Variants in TENM1 observed in about 807,000 individuals in gnomAD.
The protein encoded by TENM1 is teneurin-1.
A neutral mutation model predicts 174.8 loss-of-function variants in TENM1; 35 were observed. The ratio of observed to expected loss-of-function variants is 0.20; its 90% CI spans 0.15 to 0.27. TENM1 has a LOEUF of 0.27. Among genes scored for constraint, TENM1 ranks in the 10% least tolerant of loss-of-function variants. TENM1 has a pLI of 1.00. For synonymous variants in TENM1, 781 were observed against 798.7 expected (o/e 0.98, Z 0.37); for missense variants, 1,633 against 2,130.1 (o/e 0.77, Z 4.59).
At chrX:125,135,646 A>G in the TENM1 span, among the ~76,000 whole-genome samples, 1 of 111,924 alleles carries the variant, frequency 8.9e-6, no homozygotes, top group African/African-American at 3.2e-5. Context: ...AGTTATTAAC[A>G]TTGCAATGAA....
rs2051716493 is a variant in TENM1, at chrX:124,665,016, T to C, written c.1168+6667A>G. 2.7e-5 allele frequency among the ~76,000 whole-genome samples: 3 copies of C among 111,628 alleles called. No homozygotes were observed. The Admixed American group carries it at 2.9e-4, about 11-fold the overall frequency. On this transcript the variant is annotated intron_variant, in intron 6 of 31. Coordinates refer to ENST00000422452, the Ensembl canonical transcript of TENM1. ...TTGCGCAAGGCAAGTCATGTAACTT[T>C]CTTGTGTTTTCCTTTTCAACTATAA...
the TENM1 span, among the ~76,000 whole-genome samples, chrX:125,012,092 C>A: frequency 9.0e-6 from 1 of 111,461 alleles, no homozygotes; most frequent in Admixed American, 9.5e-5. Context: ...GAACAGAAAA[C>A]GAAACACCAC....
In TENM1 at chrX:124,620,746, C is replaced by T. The variant is rs984184005; in HGVS notation, c.2077+21045G>A. On this transcript the variant is annotated intron_variant, in intron 11 of 31. Transcript: ENST00000422452. Reference sequence around the variant, plus strand: ...TCTCATTCATGTAACGCATAGGATTCAGCACACAGTAGGGGCTTAATATAT... The same window carrying T: ...TCTCATTCATGTAACGCATAGGATTTAGCACACAGTAGGGGCTTAATATAT... Among the ~76,000 whole-genome samples, 6 of 111,976 alleles carry T rather than the reference C, an allele frequency of 5.4e-5. No individual in the cohort carries two copies. In the Admixed American group the frequency reaches 5.7e-4, roughly 11 times the overall value.
At chrX:124,462,812 C>G (rs949675033) in intron 22 of TENM1, among the ~76,000 whole-genome samples, 10 of 111,648 alleles carry the variant, frequency 9.0e-5, no homozygotes, top group African/African-American at 3.3e-4. Context: ...TGAAACATAT[C>G]TACCTTGAAC....
At chrX:124,699,708 G>A (rs1331448809) in intron 5 of TENM1, among the ~76,000 whole-genome samples, 1 of 111,538 alleles carries the variant, frequency 9.0e-6, no homozygotes, top group Admixed American at 9.6e-5. Context: ...ATTTATGACA[G>A]GCAAGAGTGC....
At chrX:124,446,905 G>C (rs1434073312) in intron 23 of TENM1, among the ~76,000 whole-genome samples, 2 of 112,356 alleles carry the variant, frequency 1.8e-5, no homozygotes, top group Non-Finnish European at 3.8e-5. Flanking sequence ...CTGCCATGTA[G>C]TGTTAGAAAC....
intron 11 of TENM1, among the ~76,000 whole-genome samples, chrX:124,628,116 G>C (rs1414824566): frequency 9.0e-6 from 1 of 111,436 alleles, no homozygotes; most frequent in Non-Finnish European, 1.9e-5. Flanking sequence ...TACCCTTGCT[G>C]TCTTATTATT....
intron 3 of TENM1, among the ~76,000 whole-genome samples, chrX:124,793,191 C>T (rs1183214661): frequency 9.0e-6 from 1 of 110,808 alleles, no homozygotes; most frequent in Non-Finnish European, 1.9e-5. Context: ...CAGACCTCAT[C>T]AATAAATTAT....
chrX:125,188,811 T>G, the TENM1 span, among the ~76,000 whole-genome samples: 1 of 112,278 alleles, frequency 8.9e-6, no homozygotes, highest in Non-Finnish European at 1.9e-5. Flanking sequence ...CTGCCTGATG[T>G]GCATTTTTCA....
intron 1 of TENM1, among the ~76,000 whole-genome samples, chrX:124,945,900 G>A (rs1199239353): frequency 8.9e-6 from 1 of 112,199 alleles, no homozygotes; most frequent in Non-Finnish European, 1.9e-5. Context: ...TCACAGCTGA[G>A]AGCAGCTGAA....
At chrX:124,515,687 A>G (rs2047686480) in intron 18 of TENM1, among the ~76,000 whole-genome samples, 1 of 111,111 alleles carries the variant, frequency 9.0e-6, no homozygotes, top group Non-Finnish European at 1.9e-5. Context: ...GCTCAGATAA[A>G]TCTGAGATAA....
intron 3 of TENM1, among the ~76,000 whole-genome samples, chrX:124,756,444 T>G (rs2054245559): frequency 9.3e-6 from 1 of 108,055 alleles, no homozygotes; most frequent in Non-Finnish European, 1.9e-5. Flanking sequence ...AATTTCCTCC[T>G]GTAGCTCGGA....
chrX:124,448,536 T>C (rs1048531442), intron 23 of TENM1, among the ~76,000 whole-genome samples: 1 of 101,670 alleles, frequency 9.8e-6, no homozygotes, highest in Non-Finnish European at 2.0e-5. Flanking sequence ...GCTGTTATTA[T>C]CTCTTCATTG....
At chrX:124,949,187 G>T (rs2058445897) in intron 1 of TENM1, among the ~76,000 whole-genome samples, 1 of 111,221 alleles carries the variant, frequency 9.0e-6, no homozygotes, top group Non-Finnish European at 1.9e-5. Flanking sequence ...CAATCTGTGT[G>T]TTAAAAGCAT....
chrX:125,056,751 C>T, the TENM1 span, among the ~76,000 whole-genome samples: 1 of 111,871 alleles, frequency 8.9e-6, no homozygotes, highest in Non-Finnish European at 1.9e-5. Flanking sequence ...TTCTGTCACC[C>T]TTGTAATACC....
At chrX:124,383,254 C>T (rs756346432) in intron 30 of TENM1, among the ~76,000 whole-genome samples, 62 of 111,114 alleles carry the variant, frequency 5.6e-4, no homozygotes, top group Middle Eastern at 4.6e-3. Flanking sequence ...CTAAAACTCC[C>T]CTTTATATGG....
the TENM1 span, among the ~76,000 whole-genome samples, chrX:125,185,828 G>T: frequency 8.9e-6 from 1 of 112,162 alleles, no homozygotes; most frequent in African/African-American, 3.2e-5. Context: ...GGAGATGAGG[G>T]TTGTGAATAT....
chrX:124,957,886 A>G (rs769906035), intron 1 of TENM1, among the ~76,000 whole-genome samples: 1 of 112,050 alleles, frequency 8.9e-6, no homozygotes, highest in South Asian at 3.7e-4. Context: ...GGAGATATTC[A>G]AAAACTAATC....
intron 11 of TENM1, among the ~76,000 whole-genome samples, chrX:124,638,716 C>T (rs1315369341): frequency 1.8e-5 from 2 of 111,118 alleles, no homozygotes; most frequent in South Asian, 3.9e-4. Context: ...GACTATCAAC[C>T]CCTCGCTGGC....
Sources: allele counts gnomAD v4.1 joint callset (sites outside exome capture counted in the v4.1 genomes callset), GRCh38; gene constraint gnomAD v4.1.1; transcripts MANE v1.5; gene names NCBI Gene and HGNC (gene_info 2026-07-23, HGNC 2026-07-21).